Variants in MDM2 observed in about 807,000 individuals in gnomAD.
MDM2 encodes the protein MDM2 proto-oncogene, also known as E3 ubiquitin-protein ligase Mdm2.
A neutral mutation model predicts 64.3 loss-of-function variants in MDM2; 11 were observed. The observed-to-expected ratio is 0.17, with a 90% confidence interval of 0.11 to 0.28. The LOEUF is 0.28. Ranked by LOEUF, MDM2 falls within the 10% of genes least tolerant of loss-of-function variation. MDM2 has a pLI of 1.00. For missense variants in MDM2, 388 were observed against 577.1 expected, an observed-to-expected ratio of 0.67 and a Z score of 3.36; for synonymous variants, 194 against 192.9, an observed-to-expected ratio of 1.01 and a Z score of -0.05.
intron 3 of MDM2, among the ~76,000 whole-genome samples, chr12:68,815,039 A>T (rs917102713): frequency 2.0e-5 from 3 of 152,212 alleles, no homozygotes; most frequent in African/African-American, 7.2e-5. Context: ...CTGGACAGCA[A>T]TCTGTCCAAT....
chr12:68,819,632 C>T (rs1881683334), intron 4 of MDM2, among the ~76,000 whole-genome samples: 1 of 152,202 alleles, frequency 6.6e-6, no homozygotes, highest in Admixed American at 6.5e-5. Flanking sequence ...GCTGGGATTA[C>T]AGGCATGCGC....
chr12:68,848,672 A>G (rs900943397), downstream of MDM2: 2 of 152,200 alleles, frequency 1.3e-5, no homozygotes, highest in African/African-American at 4.8e-5. Flanking sequence ...GTTTCTTTTT[A>G]TAGGAGGCAT....
intron 2 of MDM2, among the ~76,000 whole-genome samples, chr12:68,811,905 C>T (rs1880932932): frequency 6.6e-6 from 1 of 151,466 alleles, no homozygotes; most frequent in Non-Finnish European, 1.5e-5. Context: ...TGGCCCACAC[C>T]TGGGTAATTT....
chr12:68,836,608 TAGG>T (rs749943288), intron 9 of MDM2, 61 bp from the exon 10 acceptor site: 1 of 1,093,328 alleles, frequency 9.1e-7, no homozygotes, highest in South Asian at 1.2e-5. Context: ...GACTTATTAC[TAGG>T]AAGCCTTCTG....
rs1884045172 is a variant in MDM2, at chr12:68,844,019, ATG to A, written c.*4173_*4174del. The A allele has an allele frequency of 4.8e-6, 1 of 207,060 alleles. No homozygotes were observed. Among genetic ancestry groups the A allele is most frequent in the African/African-American group, 2.3e-5 (1 of 43,812 alleles). 12.8% of individuals were successfully genotyped at this position (207,060 alleles called of 1,614,324 possible). A position where few individuals can be genotyped will look rare whatever the true frequency, so the allele number is the denominator to read the frequency against. On this transcript the variant is annotated 3_prime_UTR_variant, in exon 11 of 11. Transcript: ENST00000258149. ...TTTCTGAGGAGTATCGGTAGCATAA[ATG>A]TGATTATAAACATAGTACACTTGAT...
At chr12:68,847,156 ATATAATAC>A (rs1297884611), downstream of MDM2, 2 of 101,212 alleles carry the variant, frequency 2.0e-5, no homozygotes, top group African/African-American at 9.9e-5. Flanking sequence ...ACATATATAT[ATATAATAC>A]ATATGTGTTT....
At chr12:68,820,426 C>G (rs1469336182) in intron 5 of MDM2, 52 bp downstream of exon 5, 26 of 1,405,994 alleles carry the variant, frequency 1.8e-5, no homozygotes, top group Non-Finnish European at 2.5e-5. Flanking sequence ...GTTTTAAAGA[C>G]ATTTTTGTTT....
At position 68,845,420 on chromosome 12, in the gene MDM2, C is replaced by A; in HGVS notation, c.*5571C>A. ...TAACAAACGAAAGGCAAAATAAAAC[C>A]GTAAAGCAAGCAGATGGGAGGCGTG... is the stretch of plus-strand genomic sequence containing the variant. On this transcript the variant is annotated 3_prime_UTR_variant, in exon 11 of 11. Transcript: ENST00000258149. The A allele has an allele frequency of 4.8e-6, 1 of 207,616 alleles. No individual in the cohort carries two copies. The highest frequency in any genetic ancestry group is 7.4e-5 in the East Asian group (1 of 13,598). The allele number at this position is 207,616 out of a possible 1,614,324, so 12.9% of individuals were successfully genotyped here.
rs140182201 is a variant in MDM2 at position 68,840,409 on chromosome 12, G to A, written c.*560G>A. 643 of 174,196 alleles carry A rather than the reference G, an allele frequency of 3.7e-3. 7 individuals are homozygous for A. Among genetic ancestry groups the A allele is most frequent in the African/African-American group, 0.014 (598 of 42,156 alleles). 10.8% of individuals were successfully genotyped at this position (174,196 alleles called of 1,614,324 possible). Reference sequence around the variant, plus strand: ...TCCGCCCACCTCGGCCTCCCAAAGTGCTGGGATTACAGGCATGAGCCACCG... The same window carrying A: ...TCCGCCCACCTCGGCCTCCCAAAGTACTGGGATTACAGGCATGAGCCACCG... On this transcript the variant is annotated 3_prime_UTR_variant, in exon 11 of 11. Coordinates refer to ENST00000258149, the MANE Select transcript of MDM2 (RefSeq NM_002392.6).
chr12:68,842,394 C>G lies in MDM2; in HGVS notation c.*2545C>G, dbSNP rs1373275196. ...CATGGCAGAGGTTTCCTAAAAATCTCATTATCTATAACCATTTCTATATTT... is the reference window on the plus strand; with the variant it reads ...CATGGCAGAGGTTTCCTAAAAATCTGATTATCTATAACCATTTCTATATTT... On this transcript the variant is annotated 3_prime_UTR_variant, in exon 11 of 11. Coordinates refer to ENST00000258149, the MANE Select transcript of MDM2 (RefSeq NM_002392.6). The G allele has an allele frequency of 2.0e-6, 1 of 492,166 alleles. No individual in the cohort carries two copies. 30.5% of individuals were successfully genotyped at this position (492,166 alleles called of 1,614,324 possible).
chr12:68,846,270 G>A (rs1202652356), downstream of MDM2: 1 of 146,918 alleles, frequency 6.8e-6, no homozygotes, highest in African/African-American at 2.7e-5. Context: ...TGTATTTTTT[G>A]TAGAGACAGT....
chr12:68,822,241 A>G (rs1046053228), intron 5 of MDM2, among the ~76,000 whole-genome samples: 1 of 152,194 alleles, frequency 6.6e-6, no homozygotes, highest in South Asian at 2.1e-4. Flanking sequence ...TATGGTATTT[A>G]ATAAATGTGT....
chr12:68,842,961 CTA>C lies in MDM2; in HGVS notation c.*3117_*3118del, dbSNP rs1883919707. Reference sequence around the variant, plus strand: ...TAAGGTTTGCCTGAAATAACTGACACTATATAATTTCTGCTTTGGCAAATACT... The same window carrying C: ...TAAGGTTTGCCTGAAATAACTGACACTATAATTTCTGCTTTGGCAAATACT... On this transcript the variant is annotated 3_prime_UTR_variant, in exon 11 of 11. Transcript: ENST00000258149. 4.7e-6 allele frequency: 1 copy of C among 210,572 alleles called. No homozygotes were observed. Among genetic ancestry groups the C allele is most frequent in the African/African-American group, 2.3e-5 (1 of 44,062 alleles). The allele number at this position is 210,572 out of a possible 1,614,324, so 13.0% of individuals were successfully genotyped here.
chr12:68,808,283 C>T lies in MDM2; in HGVS notation c.-195C>T. On this transcript the variant is annotated 5_prime_UTR_variant, in exon 1 of 11. Transcript: ENST00000258149. ...AGCCGAGCCCGAGGGGCGGCCGCGA[C>T]CCCTCTGACCGAGATCCTGCTGCTT... 4.6e-6 allele frequency: 3 copies of T among 649,140 alleles called. No individual in the cohort carries two copies. Among genetic ancestry groups the T allele is most frequent in the Non-Finnish European group, 7.9e-6 (3 of 378,568 alleles). The allele number at this position is 649,140 out of a possible 1,614,324, so 40.2% of individuals were successfully genotyped here.
At chr12:68,845,872 T>C, downstream of MDM2, 1 of 152,588 alleles carries the variant, frequency 6.6e-6, no homozygotes, top group Non-Finnish European at 1.5e-5. Context: ...CAAGCAATCC[T>C]CCCACCTCAG....
At chr12:68,811,581 C>T (rs1261981257) in intron 2 of MDM2, among the ~76,000 whole-genome samples, 1 of 148,916 alleles carries the variant, frequency 6.7e-6, no homozygotes, top group Non-Finnish European at 1.5e-5. Context: ...CACTAATATA[C>T]TGATGGCTTT....
chr12:68,811,017 C>T (rs923629990), intron 2 of MDM2, among the ~76,000 whole-genome samples: 7 of 152,108 alleles, frequency 4.6e-5, no homozygotes, highest in Admixed American at 1.3e-4. Context: ...AGGCATGCGC[C>T]ACCACGCTCA....
At chr12:68,839,126 T>A (rs3730654) in intron 10 of MDM2, 148 bp from the exon 11 acceptor site, 4 of 682,472 alleles carry the variant, frequency 5.9e-6, no homozygotes, top group Non-Finnish European at 7.3e-6. Context: ...TCATGCTGTT[T>A]ACAGTGACTA....
intron 3 of MDM2, among the ~76,000 whole-genome samples, chr12:68,814,036 G>T (rs1881137144): frequency 6.6e-6 from 1 of 152,240 alleles, no homozygotes; most frequent in Admixed American, 6.5e-5. Flanking sequence ...AGATTTAGAA[G>T]AAGATATAAT....
Sources: gnomAD v4.1 joint callset for allele counts (sites outside exome capture counted in the v4.1 genomes callset) on GRCh38, gnomAD v4.1.1 for gene constraint, MANE v1.5 for transcripts, NCBI Gene and HGNC (gene_info 2026-07-23, HGNC 2026-07-21) for gene names.